The following HDGFL3 variants were observed in gnomAD, a reference collection of about 807,000 sequenced individuals.
HDGFL3 encodes hepatoma-derived growth factor-related protein 3.
A neutral mutation model predicts 27.6 loss-of-function variants in HDGFL3; 6 were observed. The ratio of observed to expected loss-of-function variants is 0.22; its 90% CI spans 0.12 to 0.43. HDGFL3 has a LOEUF of 0.43. HDGFL3 is among the 20% of genes least tolerant of loss of function. The pLI is 1.00. For missense variants in HDGFL3, 207 were observed against 250.1 expected (o/e 0.83, Z 1.16); for synonymous variants, 88 against 88.9 (o/e 0.99, Z 0.05).
At chr15:83,142,408 A>T (rs1029014694) in intron 5 of HDGFL3, among the ~76,000 whole-genome samples, 1 of 152,212 alleles carries the variant, frequency 6.6e-6, no homozygotes, top group Non-Finnish European at 1.5e-5. Flanking sequence ...ATTATCCTTA[A>T]CAAACTAACA....
chr15:83,206,460 G>C (rs1196256475), intron 1 of HDGFL3, among the ~76,000 whole-genome samples: 1 of 152,208 alleles, frequency 6.6e-6, no homozygotes, highest in East Asian at 1.9e-4. Flanking sequence ...ACACATGGCA[G>C]TGTTGTGTGT....
Position 83,136,784 on chromosome 15 carries a change from A to C in HDGFL3, c.*2486T>G. The stretch of plus-strand genomic sequence containing the variant: ...TACGTGAGTACTTAAGAATATGTAC[A>C]TTCTTGCTCTGCACTGTATGTGTGA... On this transcript the variant is annotated 3_prime_UTR_variant, in exon 6 of 6. Coordinates refer to ENST00000299633, the MANE Select transcript of HDGFL3 (RefSeq NM_016073.4). The C allele has an allele frequency of 1.1e-6, 1 of 924,388 alleles. No individual in the cohort carries two copies. Among genetic ancestry groups the C allele is most frequent in the Middle Eastern group, 3.5e-4 (1 of 2,842 alleles). The allele number at this position is 924,388 out of a possible 1,614,324, so 57.3% of individuals were successfully genotyped here.
intron 3 of HDGFL3, chr15:83,119,787 A>T: frequency 2.6e-6 from 4 of 1,545,522 alleles, no homozygotes; most frequent in Admixed American, 3.7e-5. Context: ...GGTATACTGG[A>T]CATGAATATA....
intron 1 of HDGFL3, among the ~76,000 whole-genome samples, chr15:83,177,179 G>A (rs554383435): frequency 2.6e-5 from 4 of 152,268 alleles, no homozygotes; most frequent in South Asian, 4.1e-4. Flanking sequence ...TCGGCCTCCC[G>A]AAGTGCTGGG....
chr15:83,169,039 A>G (rs2037208493), intron 1 of HDGFL3, among the ~76,000 whole-genome samples: 2 of 152,204 alleles, frequency 1.3e-5, no homozygotes, highest in South Asian at 2.1e-4. Flanking sequence ...GATCAACTCA[A>G]AAGACTCAGA....
intron 1 of HDGFL3, among the ~76,000 whole-genome samples, chr15:83,190,584 T>C (rs2037499652): frequency 6.6e-6 from 1 of 152,200 alleles, no homozygotes; most frequent in Non-Finnish European, 1.5e-5. Context: ...ATGTATTTTT[T>C]CTATGAAATG....
downstream of HDGFL3, chr15:83,127,447 C>A (rs761809468): frequency 5.0e-6 from 8 of 1,613,724 alleles, no homozygotes; most frequent in Non-Finnish European, 6.8e-6. Flanking sequence ...TGCCTGACAT[C>A]ACATTGATAC....
At chr15:83,153,298 G>A (rs778361493) in intron 4 of HDGFL3, among the ~76,000 whole-genome samples, 5 of 152,126 alleles carry the variant, frequency 3.3e-5, no homozygotes, top group East Asian at 1.9e-4. Context: ...GATTACAGGC[G>A]TGAGCCACCA....
At chr15:83,179,505 GT>G in intron 1 of HDGFL3, among the ~76,000 whole-genome samples, 1 of 152,310 alleles carries the variant, frequency 6.6e-6, no homozygotes, top group African/African-American at 2.4e-5. Context: ...AGTCCAGATG[GT>G]AGTTGGGGGT....
chr15:83,178,821 G>A (rs1238687703), intron 1 of HDGFL3, among the ~76,000 whole-genome samples: 2 of 152,122 alleles, frequency 1.3e-5, no homozygotes, highest in Non-Finnish European at 2.9e-5. Context: ...TTAAATCAGT[G>A]ATTAATTCTT....
Position 83,148,933 on chromosome 15 carries a change from G to A in HDGFL3, c.606+2282C>T, listed in dbSNP as rs182315121. ...AATACAACATTAGTGCTCATCTCTG[G>A]GTAGGAAGAGGGACTGGAAAGAATA... On this transcript the variant is annotated intron_variant, in intron 5 of 5. Transcript: ENST00000299633. Among the ~76,000 whole-genome samples the A allele has an allele frequency of 4.5e-3, 688 of 152,174 alleles. 6 individuals carry two copies. Among genetic ancestry groups the A allele is most frequent in the Middle Eastern group, 0.034 (10 of 294 alleles).
At chr15:83,186,831 T>C (rs1034950760) in intron 1 of HDGFL3, among the ~76,000 whole-genome samples, 1 of 152,116 alleles carries the variant, frequency 6.6e-6, no homozygotes, top group Non-Finnish European at 1.5e-5. Flanking sequence ...TACCGCAATA[T>C]AATGCATCCA....
At chr15:83,191,008 T>A (rs188803989) in intron 1 of HDGFL3, among the ~76,000 whole-genome samples, 1 of 152,192 alleles carries the variant, frequency 6.6e-6, no homozygotes, top group Non-Finnish European at 1.5e-5. Context: ...ACTAATCATA[T>A]CAGTGTTTTT....
rs2036204328 is a variant in HDGFL3, at chr15:83,131,096, AC to A, written c.*8173del. The A allele has an allele frequency of 6.6e-6, 1 of 152,080 alleles. No individual in the cohort carries two copies. The allele number at this position is 152,080 out of a possible 1,614,324, so 9.4% of individuals were successfully genotyped here. A position where few individuals can be genotyped will look rare whatever the true frequency, so the allele number is the denominator to read the frequency against. ...GACAGAGAGAGACCCTGTCTCTCCCACCACCACAAAAAAACAAAACAAAACA... is the reference window on the plus strand; with the variant it reads ...GACAGAGAGAGACCCTGTCTCTCCCACACCACAAAAAAACAAAACAAAACA... On this transcript the variant is annotated 3_prime_UTR_variant, in exon 6 of 6. Coordinates refer to ENST00000299633, the MANE Select transcript of HDGFL3 (RefSeq NM_016073.4).
chr15:83,124,123 T>A (rs73455410), downstream of HDGFL3, among the ~76,000 whole-genome samples: 6,912 of 152,256 alleles, frequency 0.045, 434 homozygotes, highest in African/African-American at 0.13. Flanking sequence ...TGTTTCCATA[T>A]GGTATTCAGT....
chr15:83,151,156 G>C, intron 5 of HDGFL3, 59 bp downstream of exon 5: 2 of 1,517,748 alleles, frequency 1.3e-6, no homozygotes, highest in Non-Finnish European at 1.8e-6. Flanking sequence ...TATGGATGCT[G>C]AATCTGAAGC....
downstream of HDGFL3, among the ~76,000 whole-genome samples, chr15:83,126,020 GC>G (rs1567149025): frequency 1.3e-5 from 2 of 152,126 alleles, no homozygotes; most frequent in Non-Finnish European, 2.9e-5. Context: ...AAAATAGTGG[GC>G]CCCACCTGTA....
chr15:83,170,289 A>G (rs1794497300), intron 1 of HDGFL3, among the ~76,000 whole-genome samples: 2 of 152,168 alleles, frequency 1.3e-5, no homozygotes, highest in Admixed American at 6.5e-5. Context: ...GAACAAAGCC[A>G]CGGGCATCAC....
intron 5 of HDGFL3, among the ~76,000 whole-genome samples, chr15:83,145,039 G>A (rs2036862931): frequency 6.6e-6 from 1 of 151,592 alleles, no homozygotes; most frequent in Admixed American, 6.6e-5. Context: ...GCAGAAGGGA[G>A]GAAGTACTCA....
Sources: gnomAD v4.1 joint callset for allele counts (sites outside exome capture counted in the v4.1 genomes callset) on GRCh38, gnomAD v4.1.1 for gene constraint, MANE v1.5 for transcripts, NCBI Gene and HGNC (gene_info 2026-07-23, HGNC 2026-07-21) for gene names.